Variants in KCNN2 observed in about 807,000 individuals in gnomAD.
KCNN2 encodes the protein potassium calcium-activated channel subfamily N member 2, also known as small conductance calcium-activated potassium channel protein 2.
A neutral mutation model predicts 55.5 loss-of-function variants in KCNN2; 24 were observed. That is an observed-to-expected ratio of 0.43 (90% CI 0.31 to 0.61). The LOEUF is 0.61. Ranked by LOEUF, KCNN2 falls within the 20% of genes least tolerant of loss-of-function variation. The pLI is 0.08. For synonymous variants in KCNN2, 431 were observed against 336.1 expected, an observed-to-expected ratio of 1.28 and a Z score of -3.09; for missense variants, 754 against 853.6, an observed-to-expected ratio of 0.88 and a Z score of 1.45.
intron 2 of KCNN2, among the ~76,000 whole-genome samples, chr5:114,229,855 A>G (rs951444622): frequency 3.9e-5 from 6 of 152,316 alleles, no homozygotes; most frequent in Admixed American, 3.9e-4. Flanking sequence ...GCCAGAAACA[A>G]GAGTATGGAA....
intron 1 of KCNN2, among the ~76,000 whole-genome samples, chr5:114,155,532 C>CA (rs1425979953): frequency 1.3e-5 from 2 of 152,178 alleles, no homozygotes; most frequent in African/African-American, 4.8e-5. Context: ...CTTTTCTCCA[C>CA]AACCTCACCA....
intron 1 of KCNN2, among the ~76,000 whole-genome samples, chr5:114,088,673 G>A (rs1304660433): frequency 1.3e-5 from 2 of 152,142 alleles, no homozygotes; most frequent in African/African-American, 2.4e-5. Flanking sequence ...AGGCTGGAGT[G>A]CAGTGGTATA....
chr5:114,480,650 T>C (rs1486633853), intron 5 of KCNN2, among the ~76,000 whole-genome samples: 1 of 152,126 alleles, frequency 6.6e-6, no homozygotes, highest in Non-Finnish European at 1.5e-5. Flanking sequence ...CAGCAGCACA[T>C]CAAAAGCCTT....
chr5:114,449,288 T>C (rs2150101879), intron 3 of KCNN2, among the ~76,000 whole-genome samples: 1 of 152,234 alleles, frequency 6.6e-6, no homozygotes, highest in Non-Finnish European at 1.5e-5. Flanking sequence ...TCATTGGCAG[T>C]GGCAGCAAAA....
intron 2 of KCNN2, among the ~76,000 whole-genome samples, chr5:114,377,878 C>A (rs758511620): frequency 5.3e-5 from 8 of 152,166 alleles, no homozygotes; most frequent in Non-Finnish European, 1.0e-4. Flanking sequence ...ATCATAAATG[C>A]TCAATAAGTC....
intron 2 of KCNN2, among the ~76,000 whole-genome samples, chr5:114,368,436 A>C (rs989353105): frequency 2.0e-5 from 3 of 152,156 alleles, no homozygotes; most frequent in Admixed American, 2.0e-4. Context: ...AAGGCCACAG[A>C]AAACAGGAAA....
chr5:114,271,520 A>G lies in KCNN2; in HGVS notation c.-185+49955A>G, dbSNP rs147374862. On this transcript the variant is annotated intron_variant, in intron 2 of 10. Coordinates refer to the KCNN2 transcript ENST00000512097. Reference sequence around the variant, plus strand: ...CACAAAGAAGAAAGTAAAAAATACAATACTATCCTCAAGGTGTATAAATAA... The same window carrying G: ...CACAAAGAAGAAAGTAAAAAATACAGTACTATCCTCAAGGTGTATAAATAA... Among the ~76,000 whole-genome samples the G allele has an allele frequency of 1.6e-3, 247 of 152,332 alleles. 1 individual carries two copies. Among genetic ancestry groups the G allele is most frequent in the African/African-American group, 5.3e-3 (222 of 41,582 alleles).
At chr5:114,157,278 A>G (rs1752656394) in intron 1 of KCNN2, among the ~76,000 whole-genome samples, 3 of 151,408 alleles carry the variant, frequency 2.0e-5, no homozygotes, top group Admixed American at 6.6e-5. Context: ...TCCTTGCCAT[A>G]GTTTGCTCAG....
chr5:114,213,668 T>C (rs1464381793), intron 1 of KCNN2, among the ~76,000 whole-genome samples: 2 of 152,092 alleles, frequency 1.3e-5, no homozygotes, highest in Admixed American at 1.3e-4. Context: ...TCTGTTGTTA[T>C]GATCTTCAGT....
intron 2 of KCNN2, among the ~76,000 whole-genome samples, chr5:114,397,979 G>T (rs1381019337): frequency 6.6e-6 from 1 of 152,094 alleles, no homozygotes; most frequent in African/African-American, 2.4e-5. Flanking sequence ...TTTATAGGTT[G>T]TCTGTTTACT....
chr5:114,431,322 T>G (rs1005861924), intron 3 of KCNN2, among the ~76,000 whole-genome samples: 3 of 152,030 alleles, frequency 2.0e-5, no homozygotes, highest in Admixed American at 6.5e-5. Context: ...TTTGGCAGAT[T>G]GTGTTGTTCA....
At chr5:114,260,613 A>G (rs1053202077) in intron 2 of KCNN2, among the ~76,000 whole-genome samples, 2 of 152,238 alleles carry the variant, frequency 1.3e-5, no homozygotes, top group Admixed American at 1.3e-4. Context: ...AATAGTGCAT[A>G]AAACAATATG....
At chr5:114,274,556 C>G (rs1338101151) in intron 2 of KCNN2, among the ~76,000 whole-genome samples, 1 of 152,038 alleles carries the variant, frequency 6.6e-6, no homozygotes, top group Non-Finnish European at 1.5e-5. Flanking sequence ...CTTCACATCC[C>G]TTTAAGTTGT....
intron 2 of KCNN2, among the ~76,000 whole-genome samples, chr5:114,399,240 G>T (rs562331163): frequency 6.6e-6 from 1 of 152,204 alleles, no homozygotes; most frequent in East Asian, 1.9e-4. Flanking sequence ...TTGTTGAGGG[G>T]TTTTAACATG....
chr5:114,143,968 C>T (rs568578630), intron 1 of KCNN2, among the ~76,000 whole-genome samples: 9 of 152,180 alleles, frequency 5.9e-5, no homozygotes, highest in African/African-American at 9.6e-5. Flanking sequence ...ACAAAATTAA[C>T]GATTGTGGAT....
At chr5:114,100,794 T>C (rs1751358271) in intron 1 of KCNN2, among the ~76,000 whole-genome samples, 1 of 152,056 alleles carries the variant, frequency 6.6e-6, no homozygotes, top group South Asian at 2.1e-4. Flanking sequence ...AAATAAGACG[T>C]ATTCAAAACC....
At chr5:114,399,391 G>T (rs1758715402) in intron 2 of KCNN2, among the ~76,000 whole-genome samples, 1 of 152,102 alleles carries the variant, frequency 6.6e-6, no homozygotes, top group Non-Finnish European at 1.5e-5. Context: ...TTTATGTGAT[G>T]AATCATGTTT....
At chr5:114,476,114 G>A (rs1340030212) in intron 5 of KCNN2, among the ~76,000 whole-genome samples, 2 of 151,352 alleles carry the variant, frequency 1.3e-5, no homozygotes, top group Non-Finnish European at 2.9e-5. Context: ...GTATACATGT[G>A]CCATGCTGGT....
intron 3 of KCNN2, among the ~76,000 whole-genome samples, chr5:114,434,982 T>C (rs1181578191): frequency 6.6e-6 from 1 of 152,196 alleles, no homozygotes; most frequent in Non-Finnish European, 1.5e-5. Context: ...GCTTATAAAA[T>C]GGTTACTTTT....
Sources: allele counts gnomAD v4.1 joint callset (sites outside exome capture counted in the v4.1 genomes callset), GRCh38; gene constraint gnomAD v4.1.1; transcripts MANE v1.5; gene names NCBI Gene and HGNC (gene_info 2026-07-23, HGNC 2026-07-21).